Variants in MSRA observed in about 807,000 individuals in gnomAD.
The protein encoded by MSRA is methionine sulfoxide reductase A, also known as mitochondrial peptide methionine sulfoxide reductase.
In MSRA, 54 loss-of-function variants were observed where a neutral mutation model predicts 31.3. That is an observed-to-expected ratio of 1.73 (90% CI 1.39 to 2.17). MSRA has a LOEUF of 2.17. Among genes scored for constraint, MSRA ranks in the 30% most tolerant of loss-of-function variants. The pLI, the probability that MSRA is intolerant of heterozygous loss-of-function variation, is 0.00. For synonymous variants in MSRA, 169 were observed against 116.5 expected (o/e 1.45, Z -2.90); for missense variants, 507 against 300.9 (o/e 1.69, Z -5.07).
chr8:10,246,502 G>A (rs1797630434), intron 3 of MSRA, among the ~76,000 whole-genome samples: 1 of 152,214 alleles, frequency 6.6e-6, no homozygotes, highest in African/African-American at 2.4e-5. Context: ...TGAAAATGGG[G>A]TGTAAAATGT....
chr8:10,054,761 C>G (rs896484633), intron 1 of MSRA, 103 bp downstream of exon 1: 2 of 1,266,246 alleles, frequency 1.6e-6, no homozygotes, highest in Non-Finnish European at 2.0e-6. Flanking sequence ...GTGGGCTGGC[C>G]TCGGGCGGGT....
chr8:10,360,930 C>T (rs1342085082), intron 5 of MSRA, among the ~76,000 whole-genome samples: 1 of 152,180 alleles, frequency 6.6e-6, no homozygotes, highest in Non-Finnish European at 1.5e-5. Flanking sequence ...GCCTGTGACT[C>T]CCAGTACCTT....
chr8:10,200,366 C>A (rs1038777394), intron 1 of MSRA, among the ~76,000 whole-genome samples: 4 of 152,304 alleles, frequency 2.6e-5, no homozygotes, highest in Admixed American at 2.6e-4. Context: ...GCATATGGTC[C>A]CTGGTCACCA....
At chr8:10,166,159 A>G (rs1805102104) in intron 1 of MSRA, among the ~76,000 whole-genome samples, 1 of 152,122 alleles carries the variant, frequency 6.6e-6, no homozygotes, top group African/African-American at 2.4e-5. Context: ...CACACTGGGT[A>G]TGAGGTGGGT....
At chr8:10,256,528 A>G (rs1056055183) in intron 3 of MSRA, among the ~76,000 whole-genome samples, 5 of 152,196 alleles carry the variant, frequency 3.3e-5, no homozygotes, top group African/African-American at 1.2e-4. Context: ...TCTACCAGAG[A>G]GGATTTCTGC....
At chr8:10,290,523 G>T (rs576584692) in intron 3 of MSRA, among the ~76,000 whole-genome samples, 1 of 152,136 alleles carries the variant, frequency 6.6e-6, no homozygotes, top group African/African-American at 2.4e-5. Context: ...TCCTTTCCCA[G>T]CTTTGCATCA....
At chr8:10,297,068 T>A (rs1018094396) in intron 3 of MSRA, among the ~76,000 whole-genome samples, 1 of 152,178 alleles carries the variant, frequency 6.6e-6, no homozygotes, top group African/African-American at 2.4e-5. Flanking sequence ...CTGTAAACAT[T>A]GGTTGACTTA....
At chr8:10,427,887 G>A (rs935255752) in intron 5 of MSRA, among the ~76,000 whole-genome samples, 68 of 152,174 alleles carry the variant, frequency 4.5e-4, no homozygotes, top group African/African-American at 1.6e-3. Flanking sequence ...GGATGGCAGG[G>A]GTGTGGGGGT....
chr8:10,116,050 G>C (rs1035353597), intron 1 of MSRA, among the ~76,000 whole-genome samples: 2 of 152,164 alleles, frequency 1.3e-5, no homozygotes, highest in Non-Finnish European at 2.9e-5. Flanking sequence ...CTCTGAGTTG[G>C]AGCTGCTGAA....
chr8:10,068,870 T>C (rs192306833), intron 1 of MSRA, among the ~76,000 whole-genome samples: 1 of 152,352 alleles, frequency 6.6e-6, no homozygotes, highest in East Asian at 1.9e-4. Flanking sequence ...CCAGATCAAG[T>C]TGGGAAGAAC....
chr8:10,213,571 GGATGA>G (rs1384793107), intron 2 of MSRA, among the ~76,000 whole-genome samples: 1 of 151,562 alleles, frequency 6.6e-6, no homozygotes, highest in Non-Finnish European at 1.5e-5. Context: ...CGAGTAGCTG[GGATGA>G]CAGGTGCGTG....
At chr8:10,366,246 G>C (rs1805158025) in intron 5 of MSRA, among the ~76,000 whole-genome samples, 1 of 152,252 alleles carries the variant, frequency 6.6e-6, no homozygotes, top group Non-Finnish European at 1.5e-5. Flanking sequence ...AGGCAGCTTG[G>C]GGAAAAGTGT....
At chr8:10,218,018 C>T (rs970777066) in intron 2 of MSRA, among the ~76,000 whole-genome samples, 3 of 152,010 alleles carry the variant, frequency 2.0e-5, no homozygotes, top group Admixed American at 6.6e-5. Flanking sequence ...CATTTGTCCT[C>T]TTGTATTTTC....
rs63614860 is a variant in MSRA, at chr8:10,080,703, T to C, written c.142+26045T>C. Among the ~76,000 whole-genome samples the C allele has an allele frequency of 2.4e-3, 362 of 151,734 alleles. 1 individual carries two copies. Among genetic ancestry groups the C allele is most frequent in the Non-Finnish European group, 3.8e-3 (260 of 67,902 alleles). On this transcript the variant is annotated intron_variant, in intron 1 of 5. Coordinates refer to ENST00000317173, the MANE Select transcript of MSRA (RefSeq NM_012331.5). The stretch of plus-strand genomic sequence containing the variant: ...ACCATGCCTGGCTAATTTTTTTTTT[T>C]TTTTTTTTAATTTCTAGTAGAGATG...
intron 1 of MSRA, among the ~76,000 whole-genome samples, chr8:10,113,175 C>T (rs1213584975): frequency 6.6e-6 from 1 of 151,592 alleles, no homozygotes; most frequent in Non-Finnish European, 1.5e-5. Context: ...AGTGAATGTG[C>T]TGGAAGACAG....
chr8:10,346,696 CT>C (rs1803798056), intron 5 of MSRA, among the ~76,000 whole-genome samples: 1 of 152,186 alleles, frequency 6.6e-6, no homozygotes, highest in African/African-American at 2.4e-5. Context: ...TGCGGGGAAT[CT>C]TGTGTAATAG....
At chr8:10,134,471 C>A (rs937901641) in intron 1 of MSRA, among the ~76,000 whole-genome samples, 12 of 152,226 alleles carry the variant, frequency 7.9e-5, no homozygotes, top group Non-Finnish European at 1.6e-4. Flanking sequence ...GGTGTTGCTC[C>A]CAAACACGGT....
chr8:10,336,550 G>A (rs1439197617), intron 5 of MSRA, among the ~76,000 whole-genome samples: 2 of 151,538 alleles, frequency 1.3e-5, no homozygotes, highest in Admixed American at 6.6e-5. Flanking sequence ...AGTGTCTGAT[G>A]TACAGTGGAA....
intron 3 of MSRA, among the ~76,000 whole-genome samples, chr8:10,279,574 T>C (rs1237511119): frequency 6.6e-5 from 10 of 152,122 alleles, no homozygotes; most frequent in East Asian, 1.9e-4. Flanking sequence ...TATCAAAAAC[T>C]TTTTTCCCCA....
Sources: gnomAD v4.1 joint callset for allele counts (sites outside exome capture counted in the v4.1 genomes callset) on GRCh38, gnomAD v4.1.1 for gene constraint, MANE v1.5 for transcripts, NCBI Gene and HGNC (gene_info 2026-07-23, HGNC 2026-07-21) for gene names.